The following C9 variants were observed in gnomAD, a reference collection of about 807,000 sequenced individuals.
C9 encodes complement C9, also known as complement component C9.
In C9, 63 loss-of-function variants were observed where a neutral mutation model predicts 65.4. The ratio of observed to expected loss-of-function variants is 0.96; its 90% CI spans 0.79 to 1.19. The LOEUF is 1.19. Among genes scored for constraint, C9 ranks in the 50% most tolerant of loss-of-function variants. The probability of loss-of-function intolerance (pLI) is 0.00; values close to 1 mark genes in which losing one functional copy is unlikely to be tolerated. For missense variants in C9, 744 were observed against 670.1 expected (o/e 1.11, Z -1.22); for synonymous variants, 229 against 227.9 (o/e 1.00, Z -0.04).
At position 39,288,704 on chromosome 5, in the gene C9, T is replaced by C; in HGVS notation, c.1645+19A>G. 1 of 1,406,866 alleles carries C rather than the reference T, an allele frequency of 7.1e-7. No homozygotes were observed. Among genetic ancestry groups the C allele is most frequent in the Non-Finnish European group, 1.0e-6 (1 of 991,786 alleles). 87.1% of individuals were successfully genotyped at this position (1,406,866 alleles called of 1,614,324 possible). On this transcript the variant is annotated intron_variant, in intron 10 of 10. Transcript: ENST00000263408. The stretch of plus-strand genomic sequence containing the variant: ...GTGCATATTTTTGTCTTTAATCACA[T>C]CAAATAAATTGTCCTCACCTTCAGA...
chr5:39,293,192 G>A (rs551927206), intron 9 of C9, among the ~76,000 whole-genome samples: 20 of 151,910 alleles, frequency 1.3e-4, no homozygotes, highest in African/African-American at 4.6e-4. Context: ...TAAAAAGACA[G>A]GAATAAGTCC....
chr5:39,341,524 G>A (rs757759619), intron 3 of C9, 32 bp downstream of exon 3: 5 of 1,609,322 alleles, frequency 3.1e-6, no homozygotes, highest in Non-Finnish European at 4.3e-6. Flanking sequence ...CACACAGAAA[G>A]CCACAATGAG....
intron 9 of C9, among the ~76,000 whole-genome samples, 156 bp from the exon 10 acceptor site, chr5:39,289,107 C>T (rs1469561010): frequency 2.6e-5 from 4 of 151,466 alleles, no homozygotes; most frequent in Non-Finnish European, 3.0e-5. Context: ...TTTAAACAAT[C>T]AAAACTAGTC....
intron 4 of C9, among the ~76,000 whole-genome samples, chr5:39,337,255 T>G (rs1255839552): frequency 6.6e-6 from 1 of 152,228 alleles, no homozygotes; most frequent in Non-Finnish European, 1.5e-5. Context: ...AAAGTTTTTG[T>G]GCACCCCATG....
chr5:39,311,660 G>A (rs1257246203), intron 6 of C9, among the ~76,000 whole-genome samples: 1 of 152,118 alleles, frequency 6.6e-6, no homozygotes, highest in Non-Finnish European at 1.5e-5. Context: ...ATTTGCTTAT[G>A]ACCAGCCAGC....
intron 6 of C9, 77 bp downstream of exon 6, chr5:39,315,698 C>T: frequency 9.2e-7 from 1 of 1,086,864 alleles, no homozygotes; most frequent in Non-Finnish European, 1.3e-6. Flanking sequence ...TTTATGATTT[C>T]TATTTGCTCA....
At chr5:39,332,304 C>T (rs13165067) in intron 4 of C9, among the ~76,000 whole-genome samples, 41,927 of 152,046 alleles carry the variant, frequency 0.28, 6,961 homozygotes, top group Non-Finnish European at 0.38. Flanking sequence ...AAGCCTTTTC[C>T]TCCAGCTGTC....
At chr5:39,298,329 A>G (rs901041029) in intron 9 of C9, among the ~76,000 whole-genome samples, 3 of 151,688 alleles carry the variant, frequency 2.0e-5, no homozygotes, top group African/African-American at 7.2e-5. Flanking sequence ...TAGAAATTGA[A>G]ATGGGAAAAA....
chr5:39,287,920 A>T (rs1290273283), intron 10 of C9, among the ~76,000 whole-genome samples: 1 of 152,000 alleles, frequency 6.6e-6, no homozygotes, highest in East Asian at 1.9e-4. Context: ...CCCAAAGCTT[A>T]TCATTATGCA....
chr5:39,363,512 G>A (rs1416839923), intron 1 of C9, among the ~76,000 whole-genome samples: 2 of 152,222 alleles, frequency 1.3e-5, no homozygotes, highest in African/African-American at 4.8e-5. Context: ...TTATGGTTAT[G>A]TCTGAGCAGA....
intron 1 of C9, among the ~76,000 whole-genome samples, chr5:39,345,429 C>A (rs1193461272): frequency 6.6e-6 from 1 of 152,072 alleles, no homozygotes; most frequent in African/African-American, 2.4e-5. Context: ...ACAAAGAAGG[C>A]CATTACATAA....
intron 1 of C9, 124 bp downstream of exon 1, chr5:39,364,264 G>C (rs1167631098): frequency 5.8e-6 from 4 of 687,730 alleles, no homozygotes; most frequent in African/African-American, 3.5e-5. Flanking sequence ...TCGAAGTTTA[G>C]ATTCTAGGGC....
chr5:39,298,316 A>C (rs1292009569), intron 9 of C9, among the ~76,000 whole-genome samples: 2 of 151,696 alleles, frequency 1.3e-5, no homozygotes, highest in Admixed American at 6.6e-5. Context: ...ATGAGAATTG[A>C]AATAGAAATT....
intron 4 of C9, among the ~76,000 whole-genome samples, chr5:39,339,957 C>T (rs992513307): frequency 2.6e-5 from 4 of 152,222 alleles, no homozygotes; most frequent in Middle Eastern, 3.4e-3. Context: ...CCGCAGATAT[C>T]GTCAAATGTC....
chr5:39,316,931 C>T (rs1753578670), intron 5 of C9, among the ~76,000 whole-genome samples: 1 of 152,192 alleles, frequency 6.6e-6, no homozygotes, highest in Admixed American at 6.5e-5. Flanking sequence ...ACACTGTCTT[C>T]CACAATAGTT....
chr5:39,334,334 C>G (rs1217156142), intron 4 of C9, among the ~76,000 whole-genome samples: 1 of 149,890 alleles, frequency 6.7e-6, no homozygotes, highest in Non-Finnish European at 1.5e-5. Flanking sequence ...AGCGTCTCTG[C>G]CCGGCCGCCC....
intron 7 of C9, among the ~76,000 whole-genome samples, chr5:39,310,320 C>T (rs1188924253): frequency 1.3e-5 from 2 of 152,128 alleles, no homozygotes; most frequent in African/African-American, 4.8e-5. Flanking sequence ...CCTATAGTTA[C>T]AAGGGCAGAG....
At chr5:39,334,210 C>T (rs541632258) in intron 4 of C9, among the ~76,000 whole-genome samples, 4 of 151,568 alleles carry the variant, frequency 2.6e-5, no homozygotes, top group South Asian at 2.1e-4. Flanking sequence ...AAGTGAGGAG[C>T]GTCTCTGCCC....
intron 7 of C9, among the ~76,000 whole-genome samples, chr5:39,309,869 C>CCGAAACAA (rs1237553343): frequency 6.6e-6 from 1 of 152,110 alleles, no homozygotes; most frequent in Non-Finnish European, 1.5e-5. Flanking sequence ...CAAAACAACT[C>CCGAAACAA]CTAGTCTGAA....
Sources: gnomAD v4.1 joint callset for allele counts (sites outside exome capture counted in the v4.1 genomes callset) on GRCh38, gnomAD v4.1.1 for gene constraint, MANE v1.5 for transcripts, NCBI Gene and HGNC (gene_info 2026-07-23, HGNC 2026-07-21) for gene names.